FGF20: variants seen among roughly 807,000 people sequenced by gnomAD.
FGF20 encodes the protein fibroblast growth factor 20.
Under a neutral mutation model 16.7 loss-of-function variants are expected in FGF20, and 8 were observed. The observed-to-expected ratio is 0.48, with a 90% CI of 0.28 to 0.87. FGF20 has a LOEUF of 0.87. Among genes scored for constraint, FGF20 ranks in the 40% least tolerant of loss-of-function variants. The probability of loss-of-function intolerance (pLI) is 0.10; values close to 1 mark genes in which losing one functional copy is unlikely to be tolerated. For synonymous variants in FGF20, 161 were observed against 118.6 expected (o/e 1.36, Z -2.32); for missense variants, 397 against 281.4 (o/e 1.41, Z -2.94).
intron 1 of FGF20, among the ~76,000 whole-genome samples, chr8:17,001,000 G>T (rs1001743663): frequency 6.6e-6 from 1 of 152,074 alleles, no homozygotes; most frequent in African/African-American, 2.4e-5. Context: ...CTTGGCTGAA[G>T]AACTAGGCAT....
In FGF20 at chr8:16,993,173, C is replaced by A. The variant is rs376046538; in HGVS notation, c.535G>T (p.Ala179Ser). 1.5e-5 allele frequency: 24 copies of A among 1,613,914 alleles called. No individual in the cohort carries two copies. The highest frequency in any genetic ancestry group is 1.4e-4 in the South Asian group (13 of 91,082). Residue 179 changes from alanine (A) to serine (S), a missense_variant, in exon 3 of 3, where the codon GCC becomes TCC. Coordinates refer to ENST00000180166, the MANE Select transcript of FGF20 (RefSeq NM_019851.3). Reference sequence around the variant, plus strand: ...AATTTCTGATGCCTCTTGGACCTGGCGCCATCTCTTGGAGTTCCGTCTTTG... The same window carrying A: ...AATTTCTGATGCCTCTTGGACCTGGAGCCATCTCTTGGAGTTCCGTCTTTG... The part of the protein sequence containing the change: ...LNKDGTPRDG[A>S]RSKRHQKFTH...
intron 1 of FGF20, 85 bp from the exon 2 acceptor site, chr8:16,995,843 C>T (rs1290796385): frequency 2.5e-5 from 18 of 708,658 alleles, no homozygotes; most frequent in Middle Eastern, 2.5e-4. Flanking sequence ...CAAATAGTAG[C>T]GGTAGTCGGC....
chr8:17,001,694 G>T, intron 1 of FGF20, 53 bp downstream of exon 1: 1 of 1,503,242 alleles, frequency 6.7e-7, no homozygotes, highest in East Asian at 2.8e-5. Flanking sequence ...GGGAGGGAAC[G>T]AGGAGCCGAG....
intron 2 of FGF20, 85 bp from the exon 3 acceptor site, chr8:16,993,402 T>G (rs1809964130): frequency 3.0e-6 from 4 of 1,333,600 alleles, no homozygotes; most frequent in Non-Finnish European, 4.1e-6. Flanking sequence ...TATTTTCATT[T>G]CTTTGCCTTG....
Position 17,002,212 on chromosome 8 carries a change from G to T in FGF20, c.-180C>A. 1.8e-6 allele frequency: 1 copy of T among 563,040 alleles called. No homozygotes were observed. Among genetic ancestry groups the T allele is most frequent in the Non-Finnish European group, 2.8e-6 (1 of 351,512 alleles). 34.9% of individuals were successfully genotyped at this position (563,040 alleles called of 1,614,324 possible). ...ATGGCAGGGAAGCTCTCACTGTCTT[G>T]GAGCGATCTTCTCTCCTTGGGTAGG... On this transcript the variant is annotated 5_prime_UTR_variant, in exon 1 of 3. Transcript: ENST00000180166.
chr8:17,000,975 A>G (rs540126178), intron 1 of FGF20, among the ~76,000 whole-genome samples: 164 of 152,058 alleles, frequency 1.1e-3, no homozygotes, highest in Non-Finnish European at 2.1e-3. Context: ...AGGTTGCACA[A>G]TTTCCAAAGA....
chr8:17,001,893 C>A lies in FGF20; in HGVS notation c.140G>T (p.Ser47Ile), dbSNP rs1385984646. ...LGERRSAAER[S>I]ARGGPGAAQL... is the part of the protein sequence containing the mutation. ...CGCAGCCCCCGGCCCGCCGCGCGCG[C>A]TCCGCTCCGCCGCGCTCCTGCGCTC... Residue 47 changes from serine to isoleucine, a missense_variant, in exon 1 of 3, where the codon AGC (serine) becomes ATC (isoleucine). Transcript: ENST00000180166. The A allele has an allele frequency of 1.4e-6, 2 of 1,441,664 alleles. No individual in the cohort carries two copies. Among genetic ancestry groups the A allele is most frequent in the African/African-American group, 1.5e-5 (1 of 66,534 alleles). 89.3% of individuals were successfully genotyped at this position (1,441,664 alleles called of 1,614,324 possible). A position where few individuals can be genotyped will look rare whatever the true frequency, so the allele number is the denominator to read the frequency against.
chr8:16,993,223 C>T lies in FGF20; in HGVS notation c.485G>A (p.Gly162Asp). Residue 162 changes from glycine (G) to aspartate (D), a missense_variant, in exon 3 of 3, where the codon GGC (glycine) becomes GAC (aspartate). Gly to Asp is a moderately conservative substitution (Grantham distance 94). Transcript: ENST00000180166. ...GTTAAGTGCCACAAAATACCTGCGG[C>T]CAGTGTCTCCATGTTTATATATGTT... Reference protein sequence around the residue: ...SSNIYKHGDTGRRYFVALNKD... With the variant: ...SSNIYKHGDTDRRYFVALNKD... 6.2e-7 allele frequency: 1 copy of T among 1,614,094 alleles called. No individual in the cohort carries two copies.
At chr8:17,001,023 G>A (rs1198808066) in intron 1 of FGF20, among the ~76,000 whole-genome samples, 1 of 151,976 alleles carries the variant, frequency 6.6e-6, no homozygotes, top group Non-Finnish European at 1.5e-5. Flanking sequence ...TCAGTAGCCG[G>A]GTGGTCTTCC....
rs1349418987 is a variant in FGF20, at chr8:17,001,826, GA to G, written c.206del (p.Leu69ProfsTer53). 6.5e-7 allele frequency: 1 copy of G among 1,538,938 alleles called. No homozygotes were observed. Among genetic ancestry groups the G allele is most frequent in the Non-Finnish European group, 8.7e-7 (1 of 1,147,608 alleles). On this transcript the variant is annotated frameshift_variant, in exon 1 of 3. Coordinates refer to ENST00000180166, the MANE Select transcript of FGF20 (RefSeq NM_019851.3). LOFTEE classifies it high-confidence loss of function. ...HLHGILRRRQ[L>X]YCRTGFHLQI... is the part of the protein sequence containing the mutation. ...GCAGGTGGAAGCCGGTGCGGCAATAGAGCTGCCGGCGGCGCAGGATGCCGTG... is the reference window on the plus strand; with the variant it reads ...GCAGGTGGAAGCCGGTGCGGCAATAGGCTGCCGGCGGCGCAGGATGCCGTG...
intron 1 of FGF20, among the ~76,000 whole-genome samples, chr8:16,997,906 T>C (rs1810092141): frequency 6.6e-6 from 1 of 152,248 alleles, no homozygotes; most frequent in Admixed American, 6.5e-5. Flanking sequence ...TTGTATTGAA[T>C]GTTACATTCA....
intron 1 of FGF20, among the ~76,000 whole-genome samples, chr8:17,001,296 AT>A (rs1810174370): frequency 6.6e-6 from 1 of 152,118 alleles, no homozygotes. Flanking sequence ...CCTGTTATTA[AT>A]TTTTGTAAAG....
At chr8:17,001,008 C>T (rs1810167228) in intron 1 of FGF20, among the ~76,000 whole-genome samples, 1 of 152,064 alleles carries the variant, frequency 6.6e-6, no homozygotes, top group Non-Finnish European at 1.5e-5. Context: ...AAGAACTAGG[C>T]ATGCTCAGTA....
chr8:16,997,502 C>A (rs576414873), intron 1 of FGF20, among the ~76,000 whole-genome samples: 73 of 152,288 alleles, frequency 4.8e-4, no homozygotes, highest in Non-Finnish European at 9.0e-4. Context: ...TCTATTCTAT[C>A]CAAAGCCTAA....
intron 1 of FGF20, 31 bp from the exon 2 acceptor site, chr8:16,995,789 A>G: frequency 4.7e-6 from 6 of 1,289,106 alleles, no homozygotes; most frequent in Non-Finnish European, 6.7e-6. Flanking sequence ...TAAAAACACC[A>G]TGTTTTGTAT....
intron 2 of FGF20, 73 bp downstream of exon 2, chr8:16,995,582 C>A (rs1474736557): frequency 1.7e-6 from 1 of 603,222 alleles, no homozygotes; most frequent in Non-Finnish European, 2.7e-6. Context: ...TCTTGGTAGA[C>A]ATTTTAATTA....
At chr8:16,999,752 G>C (rs1259233429) in intron 1 of FGF20, among the ~76,000 whole-genome samples, 8 of 149,760 alleles carry the variant, frequency 5.3e-5, no homozygotes, top group East Asian at 4.0e-4. Context: ...TCTTGGCCAG[G>C]CTGGTCTTGA....
chr8:16,998,867 C>G (rs1214829795), intron 1 of FGF20, among the ~76,000 whole-genome samples: 1 of 145,062 alleles, frequency 6.9e-6, no homozygotes, highest in Non-Finnish European at 1.5e-5. Flanking sequence ...AACTCATGGC[C>G]AAATTAGTAT....
chr8:16,998,027 T>C (rs1380809890), intron 1 of FGF20, among the ~76,000 whole-genome samples: 1 of 152,176 alleles, frequency 6.6e-6, no homozygotes, highest in Non-Finnish European at 1.5e-5. Flanking sequence ...GTGATTAGAA[T>C]GTAGAATAGA....
Sources: gnomAD v4.1 joint callset for allele counts (sites outside exome capture counted in the v4.1 genomes callset) on GRCh38, gnomAD v4.1.1 for gene constraint, MANE v1.5 for transcripts, NCBI Gene and HGNC (gene_info 2026-07-23, HGNC 2026-07-21) for gene names.